The following FAM13A variants were observed in gnomAD, a reference collection of about 807,000 sequenced individuals.
FAM13A encodes the protein family with sequence similarity 13 member A, also known as protein FAM13A.
FAM13A carries 76 observed loss-of-function variants against 129.6 expected under a neutral mutation model. The ratio of observed to expected loss-of-function variants is 0.59; its 90% CI spans 0.49 to 0.71. The LOEUF (loss-of-function observed/expected upper bound fraction) is 0.71, where lower values mean the gene tolerates loss of function less well. Among genes scored for constraint, FAM13A ranks in the 30% least tolerant of loss-of-function variants. FAM13A has a pLI of 0.00. For synonymous variants in FAM13A, 443 were observed against 449.9 expected (o/e 0.98, Z 0.20); for missense variants, 1,108 against 1,249.3 (o/e 0.89, Z 1.70).
chr4:88,948,157 G>C (rs184624439), intron 4 of FAM13A, among the ~76,000 whole-genome samples: 1 of 152,248 alleles, frequency 6.6e-6, no homozygotes, highest in East Asian at 1.9e-4. Flanking sequence ...AGAGCTCTTG[G>C]AACAAGGGGC....
intron 1 of FAM13A, among the ~76,000 whole-genome samples, chr4:89,046,551 T>A (rs1246384932): frequency 1.3e-5 from 2 of 152,050 alleles, no homozygotes; most frequent in South Asian, 2.1e-4. Flanking sequence ...AGAAATTTTT[T>A]AAAAAAAGAA....
In FAM13A at chr4:88,768,049, C is replaced by G. The variant is rs757881377; in HGVS notation, c.1469G>C (p.Ser490Thr). 23 of 1,601,284 alleles carry G rather than the reference C, an allele frequency of 1.4e-5. No homozygotes were observed. The Middle Eastern group carries it at 6.6e-4, about 46-fold the overall frequency. ...DNQDGLVNME[S>T]LNSTRSHERT... is the part of the protein sequence containing the mutation. The stretch of plus-strand genomic sequence containing the variant: ...CTCATGAGATCGTGTGGAATTGAGA[C>G]TTTCCATATTCTGTAACAGAACCAT... Residue 490 changes from serine (S) to threonine (T), a missense_variant, in exon 12 of 24, where the codon AGT becomes ACT. This residue lies in a region of FAM13A where 566 missense variants were observed against 595.7 expected (regional missense o/e 0.95). Transcript: ENST00000264344.
intron 6 of FAM13A, among the ~76,000 whole-genome samples, chr4:88,866,625 C>G (rs747554063): frequency 1.3e-5 from 2 of 152,168 alleles, no homozygotes; most frequent in Non-Finnish European, 2.9e-5. Context: ...AAAAAATCCT[C>G]AATTCCAATG....
chr4:88,779,847 GT>G (rs1368371657), intron 11 of FAM13A, among the ~76,000 whole-genome samples: 1 of 152,136 alleles, frequency 6.6e-6, no homozygotes, highest in Admixed American at 6.6e-5. Context: ...TTAAATGAAT[GT>G]AAAAAGGGAT....
Position 88,978,658 on chromosome 4 carries a change from G to C in FAM13A, c.605+12315C>G, listed in dbSNP as rs193246275. ...AAACACAAAAAATTAGCTGGGCGTG[G>C]TGGTGGGCGCCTGTAGTCCCAGCTG... On this transcript the variant is annotated intron_variant, in intron 4 of 23. Transcript: ENST00000264344. 2.7e-3 allele frequency among the ~76,000 whole-genome samples: 417 copies of C among 152,242 alleles called. 11 individuals carry two copies. The East Asian group carries it at 0.059, about 21-fold the overall frequency.
chr4:88,762,292 A>G (rs1744964276), intron 13 of FAM13A, among the ~76,000 whole-genome samples: 1 of 152,228 alleles, frequency 6.6e-6, no homozygotes, highest in Admixed American at 6.5e-5. Flanking sequence ...CATTCACATC[A>G]TAGACCTGTG....
At chr4:89,036,701 C>T (rs1269813635) in intron 1 of FAM13A, among the ~76,000 whole-genome samples, 1 of 152,174 alleles carries the variant, frequency 6.6e-6, no homozygotes, top group East Asian at 1.9e-4. Context: ...GGGCTGGAGG[C>T]CTAGGAGGGA....
At chr4:88,913,823 G>T (rs1749613005) in intron 5 of FAM13A, among the ~76,000 whole-genome samples, 1 of 152,060 alleles carries the variant, frequency 6.6e-6, no homozygotes, top group Non-Finnish European at 1.5e-5. Context: ...CTCTGTCTCT[G>T]ATGTTTCTCC....
chr4:88,841,271 C>G (rs1279337567), intron 7 of FAM13A, among the ~76,000 whole-genome samples: 1 of 151,980 alleles, frequency 6.6e-6, no homozygotes, highest in Non-Finnish European at 1.5e-5. Flanking sequence ...CTAGCTGGGC[C>G]AATCACAAGG....
chr4:88,809,441 C>G (rs974587075), intron 7 of FAM13A, among the ~76,000 whole-genome samples: 1 of 151,874 alleles, frequency 6.6e-6, no homozygotes, highest in African/African-American at 2.4e-5. Flanking sequence ...CTGAAAAGTA[C>G]AGAAAAACAA....
chr4:89,025,511 G>A (rs566744026), intron 2 of FAM13A, among the ~76,000 whole-genome samples: 7 of 151,576 alleles, frequency 4.6e-5, no homozygotes, highest in Admixed American at 2.0e-4. Flanking sequence ...TGATCCACCC[G>A]CCTCGGCCTC....
intron 5 of FAM13A, among the ~76,000 whole-genome samples, chr4:88,933,704 A>G (rs1753404594): frequency 6.6e-6 from 1 of 152,110 alleles, no homozygotes; most frequent in Admixed American, 6.5e-5. Flanking sequence ...AGATCTTCTC[A>G]TCACCTTCAT....
chr4:89,049,759 G>A (rs1436080082), intron 1 of FAM13A, among the ~76,000 whole-genome samples: 5 of 152,124 alleles, frequency 3.3e-5, no homozygotes, highest in Admixed American at 6.5e-5. Flanking sequence ...AGGTTCAAGT[G>A]ATTCTCCTTG....
chr4:88,822,796 G>A (rs1732263321), intron 7 of FAM13A, among the ~76,000 whole-genome samples: 1 of 152,198 alleles, frequency 6.6e-6, no homozygotes, highest in African/African-American at 2.4e-5. Context: ...TGGGCAAAAT[G>A]TCAGTAAAAG....
chr4:88,938,025 A>G, intron 5 of FAM13A, 63 bp downstream of exon 5: 1 of 1,282,938 alleles, frequency 7.8e-7, no homozygotes, highest in Non-Finnish European at 1.1e-6. Flanking sequence ...ATGAGAAAGA[A>G]TTAAATAAAA....
At chr4:88,912,985 AAAG>A (rs1410278443) in intron 5 of FAM13A, among the ~76,000 whole-genome samples, 1 of 151,218 alleles carries the variant, frequency 6.6e-6, no homozygotes, top group African/African-American at 2.4e-5. Flanking sequence ...AAGAAAGAAG[AAAG>A]AAGAAGAAAG....
chr4:88,756,653 T>C (rs188118028), intron 14 of FAM13A, among the ~76,000 whole-genome samples: 26 of 152,326 alleles, frequency 1.7e-4, no homozygotes, highest in Non-Finnish European at 3.7e-4. Flanking sequence ...CATTCACAAA[T>C]TCGTGCAAAG....
At chr4:88,861,831 T>C (rs997499494) in intron 6 of FAM13A, among the ~76,000 whole-genome samples, 2 of 152,194 alleles carry the variant, frequency 1.3e-5, no homozygotes, top group Non-Finnish European at 2.9e-5. Flanking sequence ...TTTTCAATTT[T>C]AAAAACCCTA....
At chr4:88,966,962 G>A (rs1269110520) in intron 4 of FAM13A, among the ~76,000 whole-genome samples, 3 of 152,164 alleles carry the variant, frequency 2.0e-5, no homozygotes, top group Non-Finnish European at 4.4e-5. Flanking sequence ...TAGTATAGAT[G>A]TAAAGAATTC....
Sources: gnomAD v4.1 joint callset for allele counts (sites outside exome capture counted in the v4.1 genomes callset) on GRCh38, gnomAD v4.1.1 for gene constraint, gnomAD v4.1.1 regional missense constraint, MANE v1.5 for transcripts, NCBI Gene and HGNC (gene_info 2026-07-23, HGNC 2026-07-21) for gene names.